EVC: variants seen among roughly 807,000 people sequenced by gnomAD.
The protein encoded by EVC is EvC ciliary complex subunit 1, also known as evC complex member EVC.
Under a neutral mutation model 118.9 loss-of-function variants are expected in EVC, and 116 were observed. That is an observed-to-expected ratio of 0.98 (90% CI 0.84 to 1.14). The LOEUF is 1.14. EVC is among the 50% of genes most tolerant of loss of function. EVC has a pLI of 0.00. For missense variants in EVC, 1,401 were observed against 1,246.4 expected (o/e 1.12, Z -1.87); for synonymous variants, 619 against 534.7 (o/e 1.16, Z -2.18).
Position 5,731,762 on chromosome 4 carries a change from G to C in EVC, c.617+105G>C. 1 of 1,161,536 alleles carries C rather than the reference G, an allele frequency of 8.6e-7. No individual in the cohort carries two copies. The highest frequency in any genetic ancestry group is 1.3e-5 in the South Asian group (1 of 76,018). 72.0% of individuals were successfully genotyped at this position (1,161,536 alleles called of 1,614,324 possible). On this transcript the variant is annotated intron_variant, in intron 4 of 20. Coordinates refer to ENST00000264956, the MANE Select transcript of EVC (RefSeq NM_153717.3). The surrounding 1 kb of genome is among the most constrained non-coding windows in gnomAD (Gnocchi z 5.6). ...AAACAGAGGCCCAGAGAGGTTCAGT[G>C]ACTCTGCCAGGGACACACAGCGACC...
chr4:5,751,678 G>A (rs1201827283), intron 8 of EVC, among the ~76,000 whole-genome samples: 3 of 152,312 alleles, frequency 2.0e-5, no homozygotes, highest in South Asian at 4.1e-4. Context: ...GTCCAGGCTG[G>A]GACTGCCCCT....
At chr4:5,741,401 T>C (rs1728547223) in intron 5 of EVC, among the ~76,000 whole-genome samples, 1 of 152,220 alleles carries the variant, frequency 6.6e-6, no homozygotes, top group African/African-American at 2.4e-5. Flanking sequence ...TTATATTTTC[T>C]TCACACATGG....
chr4:5,770,000 G>A lies in EVC; in HGVS notation c.1564-13552G>A, dbSNP rs149969772. Among the ~76,000 whole-genome samples the A allele has an allele frequency of 1.1e-3, 164 of 152,152 alleles. 1 individual carries two copies. Among genetic ancestry groups the A allele is most frequent in the Non-Finnish European group, 1.9e-3 (128 of 68,014 alleles). On this transcript the variant is annotated intron_variant, in intron 11 of 20. Coordinates refer to ENST00000264956, the MANE Select transcript of EVC (RefSeq NM_153717.3). ...ACTCCCTGACAGCTGCTGTGCTCAGGGCCAGGCTGATGATAATGGAAGGCT... is the reference window on the plus strand; with the variant it reads ...ACTCCCTGACAGCTGCTGTGCTCAGAGCCAGGCTGATGATAATGGAAGGCT...
chr4:5,722,383 G>C (rs2151866043), intron 2 of EVC, among the ~76,000 whole-genome samples: 1 of 152,298 alleles, frequency 6.6e-6, no homozygotes, highest in Non-Finnish European at 1.5e-5. Flanking sequence ...TTAAGTGAAA[G>C]ATCTCCTTGT....
chr4:5,770,213 T>C (rs576550242), intron 11 of EVC, among the ~76,000 whole-genome samples: 25 of 152,222 alleles, frequency 1.6e-4, no homozygotes, highest in Admixed American at 5.2e-4. Context: ...AGAGTTTTTA[T>C]TGGGCTCAGC....
intron 15 of EVC, among the ~76,000 whole-genome samples, chr4:5,801,570 C>G (rs1354800011): frequency 6.6e-6 from 1 of 150,518 alleles, no homozygotes; most frequent in Non-Finnish European, 1.5e-5. Flanking sequence ...ATCCCAGATA[C>G]TTGGGAGACT....
At chr4:5,723,593 C>T (rs1377986243) in intron 2 of EVC, among the ~76,000 whole-genome samples, 2 of 152,060 alleles carry the variant, frequency 1.3e-5, no homozygotes, top group Admixed American at 6.6e-5. Flanking sequence ...TTTTCTTTGT[C>T]GTTTCTTTTC....
intron 1 of EVC, among the ~76,000 whole-genome samples, chr4:5,717,309 C>T (rs1242781743): frequency 6.6e-6 from 1 of 152,132 alleles, no homozygotes; most frequent in Non-Finnish European, 1.5e-5. Flanking sequence ...TCTGATCTCT[C>T]TGATAATATT....
chr4:5,759,130 G>A (rs1011202597), intron 11 of EVC, among the ~76,000 whole-genome samples: 4 of 152,076 alleles, frequency 2.6e-5, no homozygotes, highest in South Asian at 2.1e-4. Flanking sequence ...TTGTTCATAC[G>A]TCACATGTCT....
Position 5,711,500 on chromosome 4 carries a change from C to G in EVC, c.120C>G (p.Leu40=), listed in dbSNP as rs1407286365. ...PAVLLGAALG[L]GLGLWLGCRA... The stretch of plus-strand genomic sequence containing the variant: ...TGCTGCTGGGCGCCGCGCTCGGCCT[C>G]GGCCTCGGCCTTTGGCTTGGCTGCC... The change falls in exon 1 of 21, where the codon CTC becomes CTG. Residue 40 remains leucine, a synonymous_variant. Coordinates refer to ENST00000264956, the MANE Select transcript of EVC (RefSeq NM_153717.3). 1.7e-6 allele frequency: 2 copies of G among 1,145,702 alleles called. No individual in the cohort carries two copies. The highest frequency in any genetic ancestry group is 2.1e-6 in the Non-Finnish European group (2 of 934,014). The allele number at this position is 1,145,702 out of a possible 1,614,324, so 71.0% of individuals were successfully genotyped here.
At chr4:5,824,401 C>T in the EVC span, 2 of 985,314 alleles carry the variant, frequency 2.0e-6, no homozygotes, top group Non-Finnish European at 2.4e-6. Flanking sequence ...TGATTCATGC[C>T]TCCTCGGCAT....
intron 5 of EVC, among the ~76,000 whole-genome samples, chr4:5,741,377 C>T (rs939085850): frequency 6.6e-6 from 1 of 152,172 alleles, no homozygotes; most frequent in Non-Finnish European, 1.5e-5. Context: ...AAGAAGCAAA[C>T]CCTCCTTTGC....
chr4:5,774,671 G>T (rs1734459663), intron 11 of EVC, among the ~76,000 whole-genome samples: 1 of 152,100 alleles, frequency 6.6e-6, no homozygotes, highest in Non-Finnish European at 1.5e-5. Context: ...TACAAAGTGA[G>T]CAGTTTGTAT....
At chr4:5,750,708 G>T (rs1035907477) in intron 8 of EVC, among the ~76,000 whole-genome samples, 1 of 152,196 alleles carries the variant, frequency 6.6e-6, no homozygotes, top group Non-Finnish European at 1.5e-5. Flanking sequence ...AGCCCGGCAC[G>T]TAGGAAGCAT....
intron 7 of EVC, 40 bp downstream of exon 7, chr4:5,745,381 T>C: frequency 6.4e-7 from 1 of 1,555,762 alleles, no homozygotes; most frequent in Non-Finnish European, 8.7e-7. Flanking sequence ...AAATTTTGGT[T>C]CCTAAAACAG....
Position 5,809,554 on chromosome 4 carries a change from T to G in EVC, c.2725T>G (p.Leu909Val). 6.2e-7 allele frequency: 1 copy of G among 1,614,184 alleles called. No homozygotes were observed. The highest frequency in any genetic ancestry group is 8.5e-7 in the Non-Finnish European group (1 of 1,180,042). The change falls in exon 19 of 21, where the codon TTG becomes GTG. Residue 909 changes from leucine to valine, a missense_variant. Transcript: ENST00000264956. ...EQNFISELAA[L>V]ARVPLAESKL... ...GAACTTCATCTCCGAGCTGGCAGCCTTGGCCCGAGTGCCCCTTGCTGAAAG... is the reference window on the plus strand; with the variant it reads ...GAACTTCATCTCCGAGCTGGCAGCCGTGGCCCGAGTGCCCCTTGCTGAAAG...
downstream of EVC, among the ~76,000 whole-genome samples, chr4:5,816,027 C>T (rs986035015): frequency 2.6e-5 from 4 of 152,086 alleles, no homozygotes; most frequent in Admixed American, 6.6e-5. Context: ...CCCCCCATGG[C>T]TTATAGATTT....
At chr4:5,736,866 C>T (rs186655801) in intron 5 of EVC, among the ~76,000 whole-genome samples, 6 of 152,238 alleles carry the variant, frequency 3.9e-5, no homozygotes, top group South Asian at 2.1e-4. Flanking sequence ...CAGTTAGTAA[C>T]GCTGCAATGG....
intron 15 of EVC, among the ~76,000 whole-genome samples, chr4:5,801,567 A>C (rs968578494): frequency 1.3e-5 from 2 of 151,374 alleles, no homozygotes; most frequent in African/African-American, 4.9e-5. Flanking sequence ...ATAATCCCAG[A>C]TACTTGGGAG....
Sources: gnomAD v4.1 joint callset for allele counts (sites outside exome capture counted in the v4.1 genomes callset) on GRCh38, gnomAD v4.1.1 for gene constraint, Gnocchi (gnomAD v3.1) non-coding constraint, MANE v1.5 for transcripts, NCBI Gene and HGNC (gene_info 2026-07-23, HGNC 2026-07-21) for gene names.